Variants in ZNF236 observed in about 807,000 individuals in gnomAD.
ZNF236 encodes zinc finger protein 236.
Under a neutral mutation model 191.2 loss-of-function variants are expected in ZNF236, and 50 were observed. The ratio of observed to expected loss-of-function variants is 0.26; its 90% CI spans 0.21 to 0.33. The LOEUF (loss-of-function observed/expected upper bound fraction) is 0.33. Among genes scored for constraint, ZNF236 ranks in the 10% least tolerant of loss-of-function variants. The probability of loss-of-function intolerance (pLI) is 1.00; values close to 1 mark genes in which losing one functional copy is unlikely to be tolerated. For missense variants in ZNF236, 1,754 were observed against 2,374.5 expected (o/e 0.74, Z 5.43); for synonymous variants, 907 against 928.8 (o/e 0.98, Z 0.43).
Position 76,960,538 on chromosome 18 carries a change from C to A in ZNF236, c.5243-141C>A. 1 of 1,099,974 alleles carries A rather than the reference C, an allele frequency of 9.1e-7. No individual in the cohort carries two copies. The highest frequency in any genetic ancestry group is 2.1e-5 in the Admixed American group (1 of 48,498). The allele number at this position is 1,099,974 out of a possible 1,614,324, so 68.1% of individuals were successfully genotyped here. A position where few individuals can be genotyped will look rare whatever the true frequency, so the allele number is the denominator to read the frequency against. ...TCTGGTCTCCCTATGGCTCCTCCAG[C>A]CCTTTGTTCAGATGACAGCCAGGCT... On this transcript the variant is annotated intron_variant, in intron 29 of 30. Coordinates refer to ENST00000320610, the MANE Select transcript of ZNF236 (RefSeq NM_001306089.2). This position sits in a 1 kb window ranked among gnomAD's most constrained non-coding sequence, Gnocchi z 4.4.
intron 30 of ZNF236, among the ~76,000 whole-genome samples, chr18:76,961,367 TTG>T (rs58383689): frequency 0.025 from 3,715 of 146,902 alleles, 73 homozygotes; most frequent in East Asian, 0.074. Flanking sequence ...TAGTATTCCA[TTG>T]TGTGTGTGTG....
At chr18:76,878,592 T>C (rs1190502726) in intron 7 of ZNF236, among the ~76,000 whole-genome samples, 4 of 151,468 alleles carry the variant, frequency 2.6e-5, no homozygotes, top group Admixed American at 2.0e-4. Context: ...TAAATACATA[T>C]GCCTACACAC....
intron 21 of ZNF236, among the ~76,000 whole-genome samples, chr18:76,923,751 T>C (rs1967603833): frequency 6.6e-6 from 1 of 152,110 alleles, no homozygotes; most frequent in South Asian, 2.1e-4. Flanking sequence ...TAGACAAGGT[T>C]CTCCTCTCAG....
chr18:76,894,887 C>A, intron 9 of ZNF236, 126 bp from the exon 10 acceptor site: 1 of 1,282,654 alleles, frequency 7.8e-7, no homozygotes, highest in Non-Finnish European at 1.1e-6. Flanking sequence ...GTCAGTGATC[C>A]TGGGAATTCC....
At chr18:76,833,364 A>AT (rs1232610708) in intron 1 of ZNF236, among the ~76,000 whole-genome samples, 2 of 152,072 alleles carry the variant, frequency 1.3e-5, no homozygotes, top group African/African-American at 4.8e-5. Flanking sequence ...ATATTATAAG[A>AT]TTACATAAGT....
At chr18:76,830,727 T>C (rs980050669) in intron 1 of ZNF236, among the ~76,000 whole-genome samples, 1 of 152,224 alleles carries the variant, frequency 6.6e-6, no homozygotes, top group Admixed American at 6.5e-5. Context: ...CTGGGCTGCA[T>C]GTGGACTGTG....
rs1236324241 is a variant in ZNF236 at position 76,822,967 on chromosome 18, C to T, written c.55+305C>T. On this transcript the variant is annotated intron_variant, in intron 1 of 30. Coordinates refer to ENST00000320610, the MANE Select transcript of ZNF236 (RefSeq NM_001306089.2). ...GGCCGCCTCCTGCGCGCGCCCTGCCCCCGCTGGCCCTGCCGCGGCCCGCGC... is the reference window on the plus strand; with the variant it reads ...GGCCGCCTCCTGCGCGCGCCCTGCCTCCGCTGGCCCTGCCGCGGCCCGCGC... 8.7e-5 allele frequency among the ~76,000 whole-genome samples: 13 copies of T among 148,758 alleles called. No homozygotes were observed. The South Asian group carries it at 2.5e-3, about 28-fold the overall frequency.
intron 13 of ZNF236, among the ~76,000 whole-genome samples, chr18:76,907,649 T>G (rs113973260): frequency 0.012 from 1,830 of 152,182 alleles, 26 homozygotes; most frequent in African/African-American, 0.041. Context: ...TTAGATATTC[T>G]TCGTACTAGC....
At chr18:76,966,318 A>G (rs760854289) in intron 30 of ZNF236, among the ~76,000 whole-genome samples, 54 of 151,914 alleles carry the variant, frequency 3.6e-4, no homozygotes, top group Non-Finnish European at 6.9e-4. Context: ...GAAGTTGGCT[A>G]TGGACTGCCC....
At chr18:76,852,006 G>A (rs1599331572) in intron 3 of ZNF236, 67 bp downstream of exon 3, 1 of 1,456,878 alleles carries the variant, frequency 6.9e-7, no homozygotes, top group Non-Finnish European at 9.2e-7. Context: ...CATGAGTCAG[G>A]AGGATTTTAG....
intron 13 of ZNF236, among the ~76,000 whole-genome samples, chr18:76,907,398 G>A (rs1397098928): frequency 1.3e-5 from 2 of 152,230 alleles, no homozygotes; most frequent in African/African-American, 2.4e-5. Flanking sequence ...CTGTTGCCCA[G>A]GCTGGAGTGC....
intron 25 of ZNF236, among the ~76,000 whole-genome samples, chr18:76,934,060 A>T (rs1277647463): frequency 6.6e-6 from 1 of 152,266 alleles, no homozygotes; most frequent in Non-Finnish European, 1.5e-5. Flanking sequence ...GAGCATAATG[A>T]ATATGTATAT....
At chr18:76,965,986 G>A (rs370690589) in intron 30 of ZNF236, among the ~76,000 whole-genome samples, 75 of 152,284 alleles carry the variant, frequency 4.9e-4, no homozygotes, top group African/African-American at 1.7e-3. Flanking sequence ...TCCAGGGTGG[G>A]TAGAGAAGGA....
chr18:76,847,613 C>T (rs889888231), intron 1 of ZNF236, among the ~76,000 whole-genome samples: 3 of 152,050 alleles, frequency 2.0e-5, no homozygotes, highest in Non-Finnish European at 4.4e-5. Flanking sequence ...CTACAGGCGC[C>T]CACCACCACG....
chr18:76,864,901 A>G (rs940105132), intron 3 of ZNF236, among the ~76,000 whole-genome samples: 6 of 152,172 alleles, frequency 3.9e-5, no homozygotes, highest in Non-Finnish European at 5.9e-5. Context: ...ATAAATCAAA[A>G]TGAATTCTAA....
At position 76,912,191 on chromosome 18, in the gene ZNF236, T is replaced by A. The variant is rs371023104; in HGVS notation, c.2806-53T>A. On this transcript the variant is annotated intron_variant, in intron 16 of 30. Transcript: ENST00000320610. Reference sequence around the variant, plus strand: ...AGTTCTTAGCTGCTCAGTTGTTTTATGTTTATTCACAGATATTCAAGTAGT... The same window carrying A: ...AGTTCTTAGCTGCTCAGTTGTTTTAAGTTTATTCACAGATATTCAAGTAGT... The A allele has an allele frequency of 1.1e-4, 149 of 1,381,444 alleles. No individual in the cohort carries two copies. In the East Asian group the frequency reaches 1.6e-3, roughly 15 times the overall value. 85.6% of individuals were successfully genotyped at this position (1,381,444 alleles called of 1,614,324 possible).
chr18:76,947,233 A>G (rs1465217121), intron 26 of ZNF236, among the ~76,000 whole-genome samples: 4 of 152,036 alleles, frequency 2.6e-5, no homozygotes, highest in African/African-American at 9.7e-5. Context: ...CCTTCTTATT[A>G]CTGAACAATA....
At chr18:76,915,497 ACTTTT>A (rs1372787906) in intron 18 of ZNF236, 145 bp from the exon 19 acceptor site, 29 of 673,154 alleles carry the variant, frequency 4.3e-5, no homozygotes, top group Non-Finnish European at 6.6e-5. Context: ...TTTGTAATTT[ACTTTT>A]TTTTTTTTTT....
intron 9 of ZNF236, chr18:76,888,599 C>T (rs1054434216): frequency 3.9e-5 from 6 of 152,694 alleles, no homozygotes; most frequent in South Asian, 2.1e-4. Flanking sequence ...CCCTGACTGT[C>T]GTCTGGGCTA....
Sources: gnomAD v4.1 joint callset for allele counts (sites outside exome capture counted in the v4.1 genomes callset) on GRCh38, gnomAD v4.1.1 for gene constraint, Gnocchi (gnomAD v3.1) non-coding constraint, MANE v1.5 for transcripts, NCBI Gene and HGNC (gene_info 2026-07-23, HGNC 2026-07-21) for gene names.